Variants in ASTN1 observed in about 807,000 individuals in gnomAD.
The protein encoded by ASTN1 is astrotactin-1.
ASTN1 carries 41 observed loss-of-function variants against 140.7 expected under a neutral mutation model. That is an observed-to-expected ratio of 0.29 (90% CI 0.23 to 0.38). ASTN1 has a LOEUF of 0.38. Among genes scored for constraint, ASTN1 ranks in the 10% least tolerant of loss-of-function variants. The pLI is 1.00. For missense variants in ASTN1, 1,479 were observed against 1,678.8 expected (o/e 0.88, Z 2.08); for synonymous variants, 640 against 652.2 (o/e 0.98, Z 0.29).
At chr1:177,110,259 A>T in intron 1 of ASTN1, among the ~76,000 whole-genome samples, 1 of 152,252 alleles carries the variant, frequency 6.6e-6, no homozygotes, top group Admixed American at 6.5e-5. Flanking sequence ...ACATGCAAAA[A>T]GACCTTTAAA....
chr1:177,019,352 T>A (rs190472253), intron 7 of ASTN1, among the ~76,000 whole-genome samples: 20 of 152,332 alleles, frequency 1.3e-4, no homozygotes, highest in African/African-American at 4.8e-4. Flanking sequence ...ATTTTTTTCC[T>A]AGGTATTTCC....
intron 1 of ASTN1, among the ~76,000 whole-genome samples, chr1:177,082,214 G>A (rs767492674): frequency 1.2e-4 from 18 of 152,154 alleles, no homozygotes; most frequent in Non-Finnish European, 2.6e-4. Flanking sequence ...TCATGGGGAT[G>A]GACGAATCTA....
At chr1:177,098,531 C>A (rs1163767261) in intron 1 of ASTN1, among the ~76,000 whole-genome samples, 1 of 152,028 alleles carries the variant, frequency 6.6e-6, no homozygotes, top group Non-Finnish European at 1.5e-5. Flanking sequence ...CATACAGTGA[C>A]AAAGTGACTT....
chr1:176,957,318 C>T (rs1672450393), intron 11 of ASTN1, among the ~76,000 whole-genome samples: 1 of 152,060 alleles, frequency 6.6e-6, no homozygotes, highest in Non-Finnish European at 1.5e-5. Flanking sequence ...TATTTTTTCA[C>T]TACCATTCCT....
At chr1:176,916,081 T>C (rs940654080) in intron 16 of ASTN1, among the ~76,000 whole-genome samples, 1 of 152,156 alleles carries the variant, frequency 6.6e-6, no homozygotes, top group African/African-American at 2.4e-5. Flanking sequence ...ATCTGAAAAC[T>C]GGAGTTAGAA....
intron 1 of ASTN1, among the ~76,000 whole-genome samples, chr1:177,116,186 A>G (rs1339313830): frequency 6.6e-6 from 1 of 152,168 alleles, no homozygotes; most frequent in Non-Finnish European, 1.5e-5. Flanking sequence ...ACAGACTGCT[A>G]TATTACCACT....
intron 8 of ASTN1, among the ~76,000 whole-genome samples, chr1:176,997,758 G>T (rs1007336313): frequency 6.6e-6 from 1 of 152,124 alleles, no homozygotes; most frequent in Non-Finnish European, 1.5e-5. Context: ...ACGCTGGGAC[G>T]ATTGCCACAA....
At chr1:176,913,002 G>A (rs1670315380) in intron 16 of ASTN1, among the ~76,000 whole-genome samples, 1 of 152,172 alleles carries the variant, frequency 6.6e-6, no homozygotes, top group Non-Finnish European at 1.5e-5. Context: ...TGATCCCACG[G>A]AAGGTCGTGC....
chr1:177,015,885 A>T (rs978007981), intron 7 of ASTN1, among the ~76,000 whole-genome samples: 2 of 152,206 alleles, frequency 1.3e-5, no homozygotes, highest in Non-Finnish European at 2.9e-5. Flanking sequence ...ACACTACAAC[A>T]CTAGTTCCTA....
intron 8 of ASTN1, among the ~76,000 whole-genome samples, chr1:176,970,206 G>C (rs1673078615): frequency 6.6e-6 from 1 of 152,128 alleles, no homozygotes; most frequent in Non-Finnish European, 1.5e-5. Context: ...CTTAGTCTAG[G>C]TGATGTGTTG....
chr1:176,933,140 G>A (rs56252142), intron 16 of ASTN1, among the ~76,000 whole-genome samples: 4,342 of 152,250 alleles, frequency 0.029, 194 homozygotes, highest in African/African-American at 0.098. Context: ...TTTCTTCTGG[G>A]AGAAAGTGCC....
chr1:177,156,034 G>A (rs1005513328), intron 1 of ASTN1, among the ~76,000 whole-genome samples: 3 of 152,028 alleles, frequency 2.0e-5, no homozygotes, highest in Non-Finnish European at 4.4e-5. Flanking sequence ...CACTTTGGGA[G>A]GCTGAGGCGG....
chr1:177,001,421 T>C (rs768683152), intron 8 of ASTN1, among the ~76,000 whole-genome samples: 4 of 152,226 alleles, frequency 2.6e-5, no homozygotes, highest in Non-Finnish European at 4.4e-5. Flanking sequence ...CCTACATACT[T>C]CATGTAATAT....
chr1:177,087,991 G>A (rs1679563685), intron 1 of ASTN1, among the ~76,000 whole-genome samples: 1 of 152,182 alleles, frequency 6.6e-6, no homozygotes, highest in Non-Finnish European at 1.5e-5. Flanking sequence ...GATTTACTGA[G>A]CTGTTTGCAA....
At chr1:176,913,511 C>G (rs1279943416) in intron 16 of ASTN1, among the ~76,000 whole-genome samples, 1 of 151,882 alleles carries the variant, frequency 6.6e-6, no homozygotes, top group Non-Finnish European at 1.5e-5. Context: ...GTAATAATAA[C>G]AGCTGCTCAC....
Position 177,023,483 on chromosome 1 carries a change from G to A in ASTN1, c.1359C>T (p.Asn453=), listed in dbSNP as rs1245703941. ...GGTCCATGGCCCAGGGTCCGCTGGAGTTCTGCTGAGAGAAGAGAACCACTT... is the reference window on the plus strand; with the variant it reads ...GGTCCATGGCCCAGGGTCCGCTGGAATTCTGCTGAGAGAAGAGAACCACTT... The part of the protein sequence containing the change: ...PAQVVLFSQQ[N]SSGPWAMDLC... The change falls in exon 7 of 23, where the codon AAC becomes AAT. Residue 453 remains asparagine (N), a synonymous_variant. Coordinates refer to ENST00000361833, the MANE Select transcript of ASTN1 (RefSeq NM_004319.3). 9 of 1,612,900 alleles carry A rather than the reference G, an allele frequency of 5.6e-6. No homozygotes were observed. Among genetic ancestry groups the A allele is most frequent in the Non-Finnish European group, 7.6e-6 (9 of 1,179,524 alleles).
At chr1:177,033,123 CTGTGTG>C (rs10603141) in intron 2 of ASTN1, among the ~76,000 whole-genome samples, 62 of 146,310 alleles carry the variant, frequency 4.2e-4, no homozygotes, top group South Asian at 1.3e-3. Flanking sequence ...AGAAACAAGT[CTGTGTG>C]TGTGTGTGTG....
chr1:176,894,757 G>C lies in ASTN1; in HGVS notation c.2745C>G (p.Thr915=), dbSNP rs1330957475. 1 of 1,614,184 alleles carries C rather than the reference G, an allele frequency of 6.2e-7. No homozygotes were observed. The highest frequency in any genetic ancestry group is 1.7e-5 in the Admixed American group (1 of 60,030). ...PKVLTFPEYI[T]SLSDSGTKHM... is the part of the protein sequence containing the mutation. ...GCTTGGTGCCGGAGTCTGACAAGCT[G>C]GTGATGTATTCTGGGAATGTCAGCA... is the stretch of plus-strand genomic sequence containing the variant. Residue 915 remains threonine, a synonymous_variant, in exon 17 of 23, where the codon ACC becomes ACG. Coordinates refer to ENST00000361833, the MANE Select transcript of ASTN1 (RefSeq NM_004319.3).
chr1:177,036,010 ACT>A (rs1676696848), intron 2 of ASTN1, among the ~76,000 whole-genome samples: 1 of 137,650 alleles, frequency 7.3e-6, no homozygotes, highest in Non-Finnish European at 1.6e-5. Context: ...AGAGTCAGTG[ACT>A]CTGGATGGGA....
Sources: gnomAD v4.1 joint callset for allele counts (sites outside exome capture counted in the v4.1 genomes callset) on GRCh38, gnomAD v4.1.1 for gene constraint, MANE v1.5 for transcripts, NCBI Gene and HGNC (gene_info 2026-07-23, HGNC 2026-07-21) for gene names.